The following ABCA12 variants were observed in gnomAD, a reference collection of about 807,000 sequenced individuals.
ABCA12 encodes the protein ATP binding cassette subfamily A member 12, also known as glucosylceramide transporter ABCA12.
Under a neutral mutation model 293.5 loss-of-function variants are expected in ABCA12, and 156 were observed. The ratio of observed to expected loss-of-function variants is 0.53; its 90% CI spans 0.47 to 0.61. The LOEUF is 0.61. Among genes scored for constraint, ABCA12 ranks in the 20% least tolerant of loss-of-function variants. The pLI is 0.00. For missense variants in ABCA12, 2,797 were observed against 3,090.2 expected (o/e 0.91, Z 2.25); for synonymous variants, 1,063 against 1,108.0 (o/e 0.96, Z 0.81).
In ABCA12 at chr2:215,054,607, G is replaced by T. The variant is rs767982745; in HGVS notation, c.375C>A (p.Ser125Arg). The T allele has an allele frequency of 1.9e-6, 3 of 1,612,138 alleles. No individual in the cohort carries two copies. The highest frequency in any genetic ancestry group is 1.7e-4 in the Middle Eastern group (1 of 6,042). The change falls in exon 4 of 53, where the codon AGC becomes AGA. Residue 125 changes from serine (S) to arginine (R), a missense_variant. By Grantham distance (110) the Ser-to-Arg change is moderately radical. Coordinates refer to ENST00000272895, the MANE Select transcript of ABCA12 (RefSeq NM_173076.3). Reference protein sequence around the residue: ...LDKDSSLSFQSTQVPERRHAS... With the variant: ...LDKDSSLSFQRTQVPERRHAS... ...CATGCCTTCTTTCTGGAACTTGGGT[G>T]CTCTGGAATGATAAACTGCTGTCCT...
intron 1 of ABCA12, among the ~76,000 whole-genome samples, chr2:215,134,975 C>CT (rs1703179472): frequency 6.6e-6 from 1 of 151,822 alleles, no homozygotes; most frequent in African/African-American, 2.4e-5. Flanking sequence ...ATTTATTTTT[C>CT]TTTTTTTGAG....
chr2:215,088,406 G>A (rs576976481), intron 2 of ABCA12, among the ~76,000 whole-genome samples: 2 of 152,320 alleles, frequency 1.3e-5, no homozygotes, highest in East Asian at 1.9e-4. Flanking sequence ...GAATGACTCA[G>A]TAGAAGACGA....
rs753735928 is a variant in ABCA12, at chr2:215,109,136, T to C, written c.163+2461A>G. Reference sequence around the variant, plus strand: ...GTCTTACATTCTCCAAATTACTCTATAGCACCTCTGATTACAAAATTACAT... The same window carrying C: ...GTCTTACATTCTCCAAATTACTCTACAGCACCTCTGATTACAAAATTACAT... On this transcript the variant is annotated intron_variant, in intron 2 of 52. Transcript: ENST00000272895. 5.3e-5 allele frequency among the ~76,000 whole-genome samples: 8 copies of C among 152,214 alleles called. No homozygotes were observed. In the South Asian group the frequency reaches 1.0e-3, roughly 20 times the overall value.
chr2:214,938,010 GT>G (rs1476499768), intron 50 of ABCA12, among the ~76,000 whole-genome samples: 1 of 152,012 alleles, frequency 6.6e-6, no homozygotes, highest in African/African-American at 2.4e-5. Flanking sequence ...GAATGTGCAG[GT>G]TTGTTTCATA....
intron 5 of ABCA12, 144 bp downstream of exon 5, chr2:215,052,343 G>A (rs1701335386): frequency 3.0e-6 from 2 of 669,604 alleles, no homozygotes; most frequent in Non-Finnish European, 5.4e-6. Flanking sequence ...GTTTATTGAA[G>A]GGTTCCTAAG....
At chr2:215,010,909 T>G (rs532455250) in intron 17 of ABCA12, among the ~76,000 whole-genome samples, 69 of 152,310 alleles carry the variant, frequency 4.5e-4, no homozygotes, top group Middle Eastern at 3.4e-3. Flanking sequence ...CATATATTAT[T>G]TGAATGAGCT....
At position 215,064,083 on chromosome 2, in the gene ABCA12, A is replaced by C. The variant is rs140292194; in HGVS notation, c.300T>G (p.Asp100Glu). The C allele has an allele frequency of 7.2e-5, 116 of 1,612,754 alleles. No homozygotes were observed. Among genetic ancestry groups the C allele is most frequent in the Non-Finnish European group, 9.5e-5 (112 of 1,179,116 alleles). ...QDLLRRKGID[D>E]ALFKDSEILR... ...GCCCCCACCTGTCTTTAAATAGTGC[A>C]TCATCAATTCCTTTCCTACGAAGCA... Residue 100 changes from aspartate to glutamate, a missense_variant, in exon 3 of 53, where the codon GAT (aspartate) becomes GAG (glutamate). By Grantham distance (45) the Asp-to-Glu change is conservative (BLOSUM62 2). Coordinates refer to ENST00000272895, the MANE Select transcript of ABCA12 (RefSeq NM_173076.3).
intron 2 of ABCA12, among the ~76,000 whole-genome samples, chr2:215,102,750 G>A (rs894973449): frequency 3.3e-5 from 5 of 152,106 alleles, no homozygotes; most frequent in African/African-American, 4.8e-5. Context: ...ACTCATGTAA[G>A]TTGCTTTCTG....
chr2:214,983,524 T>C, intron 29 of ABCA12, 123 bp downstream of exon 29: 1 of 921,824 alleles, frequency 1.1e-6, no homozygotes, highest in Admixed American at 2.0e-5. Flanking sequence ...GTAGAAAAAC[T>C]AAAAAGTAAT....
intron 30 of ABCA12, among the ~76,000 whole-genome samples, chr2:214,981,087 A>G (rs1334976912): frequency 6.7e-6 from 1 of 150,198 alleles, no homozygotes; most frequent in African/African-American, 2.5e-5. Context: ...TCCATCTCAA[A>G]GGGAAAAAAA....
intron 38 of ABCA12, among the ~76,000 whole-genome samples, chr2:214,968,022 A>G (rs13024862): frequency 0.48 from 72,380 of 151,986 alleles, 17,464 homozygotes; most frequent in African/African-American, 0.52. Context: ...AAATTTGGTT[A>G]AAGTTTCCAG....
Position 214,973,819 on chromosome 2 carries a change from A to G in ABCA12, c.5562+130T>C, listed in dbSNP as rs1268430524. Reference sequence around the variant, plus strand: ...AGTATTTTTTGAGCTGCCCAGATCCATATTTCTGAGCTACTAGCTTCCATA... The same window carrying G: ...AGTATTTTTTGAGCTGCCCAGATCCGTATTTCTGAGCTACTAGCTTCCATA... On this transcript the variant is annotated intron_variant, in intron 36 of 52. Coordinates refer to ENST00000272895, the MANE Select transcript of ABCA12 (RefSeq NM_173076.3). The G allele has an allele frequency of 1.4e-5, 11 of 803,332 alleles. No individual in the cohort carries two copies. The East Asian group carries it at 1.6e-4, about 12-fold the overall frequency. 49.8% of individuals were successfully genotyped at this position (803,332 alleles called of 1,614,324 possible). A position where few individuals can be genotyped will look rare whatever the true frequency, so the allele number is the denominator to read the frequency against.
At chr2:214,964,652 C>T (rs996501633) in intron 39 of ABCA12, among the ~76,000 whole-genome samples, 2 of 151,900 alleles carry the variant, frequency 1.3e-5, no homozygotes, top group African/African-American at 4.8e-5. Flanking sequence ...AATAAAATAC[C>T]CAGGAATACA....
At chr2:215,115,329 A>G (rs1702662504) in intron 1 of ABCA12, among the ~76,000 whole-genome samples, 1 of 152,242 alleles carries the variant, frequency 6.6e-6, no homozygotes, top group African/African-American at 2.4e-5. Context: ...AATAAAATTT[A>G]AATTTTCATA....
At chr2:215,025,345 T>TGGA (rs959548411) in intron 11 of ABCA12, 9 of 299,872 alleles carry the variant, frequency 3.0e-5, no homozygotes, top group Non-Finnish European at 5.7e-5. Context: ...TCACTTAGGC[T>TGGA]GGAGCACAGT....
At chr2:214,958,150 T>C in intron 41 of ABCA12, 127 bp downstream of exon 41, 1 of 1,304,896 alleles carries the variant, frequency 7.7e-7, no homozygotes, top group South Asian at 1.3e-5. Context: ...CAAGTCATTT[T>C]CTTTATTTCC....
chr2:214,949,814 C>G (rs927316683), intron 45 of ABCA12, among the ~76,000 whole-genome samples: 2 of 152,180 alleles, frequency 1.3e-5, no homozygotes, highest in Non-Finnish European at 2.9e-5. Flanking sequence ...TGACCAAAGT[C>G]TACCCCACAG....
chr2:215,119,713 A>T (rs1049728745), intron 1 of ABCA12, among the ~76,000 whole-genome samples: 2 of 150,752 alleles, frequency 1.3e-5, no homozygotes, highest in Non-Finnish European at 2.9e-5. Flanking sequence ...CACATGAGTC[A>T]GAATGGCCAT....
chr2:214,983,587 C>T (rs1453460669), intron 29 of ABCA12, 60 bp downstream of exon 29: 1 of 1,452,116 alleles, frequency 6.9e-7, no homozygotes, highest in Non-Finnish European at 9.7e-7. Context: ...CTTTACCAAC[C>T]AAGCTATGGG....
Sources: gnomAD v4.1 joint callset for allele counts (sites outside exome capture counted in the v4.1 genomes callset) on GRCh38, gnomAD v4.1.1 for gene constraint, MANE v1.5 for transcripts, NCBI Gene and HGNC (gene_info 2026-07-23, HGNC 2026-07-21) for gene names.